The following SSBP3 variants were observed in gnomAD, a reference collection of about 807,000 sequenced individuals.
SSBP3 encodes the protein single-stranded DNA-binding protein 3.
Under a neutral mutation model 69.6 loss-of-function variants are expected in SSBP3, and 5 were observed. The ratio of observed to expected loss-of-function variants is 0.07; its 90% CI spans 0.04 to 0.15. The LOEUF (loss-of-function observed/expected upper bound fraction) is 0.15. Ranked by LOEUF, SSBP3 falls within the 10% of genes least tolerant of loss-of-function variation. SSBP3 has a pLI of 1.00. For synonymous variants in SSBP3, 196 were observed against 193.4 expected, an observed-to-expected ratio of 1.01 and a Z score of -0.11; for missense variants, 312 against 534.0, an observed-to-expected ratio of 0.58 and a Z score of 4.10.
intron 4 of SSBP3, among the ~76,000 whole-genome samples, chr1:54,393,554 C>A (rs1218764200): frequency 1.3e-5 from 2 of 152,102 alleles, no homozygotes; most frequent in Non-Finnish European, 2.9e-5. Context: ...CTTTGAGAGG[C>A]CCTGACAGTA....
intron 4 of SSBP3, among the ~76,000 whole-genome samples, chr1:54,297,475 A>G (rs1434926282): frequency 6.6e-6 from 1 of 152,202 alleles, no homozygotes; most frequent in African/African-American, 2.4e-5. Flanking sequence ...TACTAAAAAT[A>G]CAAAAATTAG....
upstream of SSBP3, among the ~76,000 whole-genome samples, chr1:54,406,909 C>T (rs1411699985): frequency 2.0e-5 from 3 of 151,742 alleles, no homozygotes; most frequent in African/African-American, 7.3e-5. Flanking sequence ...GTTGTCCTCC[C>T]CCTAGGCTCC....
intron 4 of SSBP3, among the ~76,000 whole-genome samples, chr1:54,324,937 G>A (rs1319154800): frequency 6.6e-6 from 1 of 152,284 alleles, no homozygotes; most frequent in South Asian, 2.1e-4. Context: ...GACAATGGGA[G>A]GGAGCCAGGC....
chr1:54,283,272 TAAAAAAA>T (rs60875737), intron 4 of SSBP3, among the ~76,000 whole-genome samples: 1 of 126,572 alleles, frequency 7.9e-6, no homozygotes, highest in Non-Finnish European at 1.7e-5. Context: ...CCCCATCTCA[TAAAAAAA>T]AAAAAAAAAA....
chr1:54,390,173 C>T (rs1648385293), intron 4 of SSBP3, among the ~76,000 whole-genome samples: 1 of 152,172 alleles, frequency 6.6e-6, no homozygotes, highest in Non-Finnish European at 1.5e-5. Context: ...CTAAGAATGC[C>T]TTTTAAGGGT....
intron 9 of SSBP3, among the ~76,000 whole-genome samples, chr1:54,250,954 G>A (rs1218255109): frequency 1.3e-5 from 2 of 152,216 alleles, no homozygotes; most frequent in Non-Finnish European, 2.9e-5. Context: ...GTATGTGAGG[G>A]CACCTGAAAT....
chr1:54,298,230 G>GC (rs1355521409), intron 4 of SSBP3, among the ~76,000 whole-genome samples: 2 of 152,164 alleles, frequency 1.3e-5, no homozygotes, highest in Non-Finnish European at 2.9e-5. Context: ...GCGCTGCCCT[G>GC]CCCCACTGTA....
chr1:54,280,741 G>GCAGAGAGGGTT (rs1645377403), intron 5 of SSBP3, among the ~76,000 whole-genome samples: 1 of 152,100 alleles, frequency 6.6e-6, no homozygotes, highest in Admixed American at 6.5e-5. Context: ...CAGAGAGGGT[G>GCAGAGAGGGTT]GCAGCCGCGC....
intron 5 of SSBP3, among the ~76,000 whole-genome samples, chr1:54,274,204 TATC>T (rs1645245311): frequency 6.6e-6 from 1 of 152,180 alleles, no homozygotes; most frequent in African/African-American, 2.4e-5. Context: ...GACAGGCAGT[TATC>T]AAGAAGCTGC....
intron 10 of SSBP3, among the ~76,000 whole-genome samples, chr1:54,242,661 C>T (rs928157950): frequency 1.7e-4 from 26 of 152,028 alleles, no homozygotes; most frequent in African/African-American, 5.3e-4. Flanking sequence ...TAATAATAAC[C>T]GCGTCAGGCC....
chr1:54,337,748 G>T (rs888368922), intron 4 of SSBP3, among the ~76,000 whole-genome samples: 1 of 151,902 alleles, frequency 6.6e-6, no homozygotes, highest in Non-Finnish European at 1.5e-5. Flanking sequence ...ACCTGCCTTG[G>T]CCTCCCAAAG....
At chr1:54,364,775 A>C (rs1030540856) in intron 4 of SSBP3, among the ~76,000 whole-genome samples, 9 of 151,792 alleles carry the variant, frequency 5.9e-5, no homozygotes, top group African/African-American at 2.2e-4. Context: ...GACTATGGCC[A>C]CTCCTCCTCT....
At chr1:54,345,204 C>T (rs1646669680) in intron 4 of SSBP3, among the ~76,000 whole-genome samples, 1 of 152,186 alleles carries the variant, frequency 6.6e-6, no homozygotes, top group Non-Finnish European at 1.5e-5. Context: ...GGGCTGAACC[C>T]AGCCGTTAGA....
chr1:54,397,968 T>C (rs1331477837), intron 4 of SSBP3, among the ~76,000 whole-genome samples: 1 of 152,216 alleles, frequency 6.6e-6, no homozygotes. Flanking sequence ...ATTTCTTCAG[T>C]GAACATGTCG....
At chr1:54,241,003 C>T (rs758032713) in intron 12 of SSBP3, 44 bp from the exon 13 acceptor site, 20 of 1,577,526 alleles carry the variant, frequency 1.3e-5, no homozygotes, top group Middle Eastern at 3.4e-4. Flanking sequence ...ACGGTGGTAA[C>T]GAACATGGGG....
intron 13 of SSBP3, among the ~76,000 whole-genome samples, chr1:54,240,092 G>A (rs1275336995): frequency 5.4e-3 from 59 of 10,924 alleles, no homozygotes; most frequent in Admixed American, 0.031. Flanking sequence ...GTGTGTGCGC[G>A]CGCGCGCGTG....
intron 4 of SSBP3, among the ~76,000 whole-genome samples, chr1:54,291,029 T>C (rs1420840121): frequency 6.6e-6 from 1 of 152,212 alleles, no homozygotes; most frequent in Non-Finnish European, 1.5e-5. Context: ...ACAAGAACAC[T>C]GGCAGTTGCT....
chr1:54,351,017 G>A (rs1646773462), intron 4 of SSBP3, among the ~76,000 whole-genome samples: 1 of 152,054 alleles, frequency 6.6e-6, no homozygotes, highest in South Asian at 2.1e-4. Flanking sequence ...TGTAGAGATG[G>A]GGGTCTCGCT....
At chr1:54,345,812 C>T (rs1217105933) in intron 4 of SSBP3, among the ~76,000 whole-genome samples, 2 of 151,928 alleles carry the variant, frequency 1.3e-5, no homozygotes, top group African/African-American at 4.8e-5. Flanking sequence ...TTGAGACCAG[C>T]CTGGGCAACA....
Sources: allele counts gnomAD v4.1 joint callset (sites outside exome capture counted in the v4.1 genomes callset), GRCh38; gene constraint gnomAD v4.1.1; transcripts MANE v1.5; gene names NCBI Gene and HGNC (gene_info 2026-07-23, HGNC 2026-07-21).